WDFY3: variants seen among roughly 807,000 people sequenced by gnomAD.
WDFY3 encodes the protein WD repeat and FYVE domain containing 3, also known as WD repeat and FYVE domain-containing protein 3.
Under a neutral mutation model 409.6 loss-of-function variants are expected in WDFY3, and 66 were observed. The ratio of observed to expected loss-of-function variants is 0.16; its 90% CI spans 0.13 to 0.20. The LOEUF (loss-of-function observed/expected upper bound fraction) is 0.20. WDFY3 is among the 10% of genes least tolerant of loss of function. WDFY3 has a pLI of 1.00. For synonymous variants in WDFY3, 1,521 were observed against 1,537.1 expected, an observed-to-expected ratio of 0.99 and a Z score of 0.25; for missense variants, 3,031 against 4,298.1, an observed-to-expected ratio of 0.71 and a Z score of 8.24.
At chr4:84,777,376 AAAT>A (rs1339356627) in intron 27 of WDFY3, among the ~76,000 whole-genome samples, 2 of 152,138 alleles carry the variant, frequency 1.3e-5, no homozygotes, top group Non-Finnish European at 2.9e-5. Context: ...TCCTTACATA[AAAT>A]AATGAAAACA....
chr4:84,841,612 C>G (rs1757362862), intron 5 of WDFY3, among the ~76,000 whole-genome samples: 1 of 152,014 alleles, frequency 6.6e-6, no homozygotes, highest in African/African-American at 2.4e-5. Context: ...AAGAGCACAG[C>G]AATAAAACAA....
intron 1 of WDFY3, among the ~76,000 whole-genome samples, chr4:84,940,078 C>A (rs1398468238): frequency 6.6e-6 from 1 of 152,030 alleles, no homozygotes; most frequent in African/African-American, 2.4e-5. Context: ...CTTCTCCCAC[C>A]CCATATTTGT....
intron 3 of WDFY3, among the ~76,000 whole-genome samples, chr4:84,896,406 C>T (rs1170364661): frequency 6.6e-6 from 1 of 151,732 alleles, no homozygotes; most frequent in Admixed American, 6.6e-5. Flanking sequence ...AAGCAGAGAC[C>T]CTCAATTTCA....
chr4:84,885,338 G>A (rs1245132833), intron 3 of WDFY3, among the ~76,000 whole-genome samples: 5 of 71,530 alleles, frequency 7.0e-5, no homozygotes, highest in African/African-American at 2.2e-4. Flanking sequence ...ATATGTGTGT[G>A]TGTGTGTGTG....
chr4:84,698,921 C>CA (rs1730604240), intron 56 of WDFY3, among the ~76,000 whole-genome samples: 1 of 152,200 alleles, frequency 6.6e-6, no homozygotes, highest in African/African-American at 2.4e-5. Flanking sequence ...TTCTTGGCCT[C>CA]AAGCAATCTG....
intron 5 of WDFY3, among the ~76,000 whole-genome samples, chr4:84,848,625 AG>A (rs1385236452): frequency 2.4e-4 from 36 of 152,226 alleles, no homozygotes; most frequent in Non-Finnish European, 4.4e-5. Flanking sequence ...ATATCTAACA[AG>A]TATTCAATGG....
At chr4:84,871,900 C>T (rs143774799) in intron 3 of WDFY3, among the ~76,000 whole-genome samples, 2 of 152,256 alleles carry the variant, frequency 1.3e-5, no homozygotes, top group South Asian at 2.1e-4. Flanking sequence ...TCCCAAAGTG[C>T]GAGGATTACA....
intron 3 of WDFY3, among the ~76,000 whole-genome samples, chr4:84,887,242 A>G (rs1224300856): frequency 6.6e-6 from 1 of 152,198 alleles, no homozygotes; most frequent in Non-Finnish European, 1.5e-5. Flanking sequence ...TACATCAGGG[A>G]AACCTAATCT....
intron 3 of WDFY3, among the ~76,000 whole-genome samples, chr4:84,871,880 C>T (rs1762177177): frequency 6.6e-6 from 1 of 152,176 alleles, no homozygotes; most frequent in Non-Finnish European, 1.5e-5. Flanking sequence ...GTGATCTGCT[C>T]ACCTCAGCCT....
intron 2 of WDFY3, among the ~76,000 whole-genome samples, chr4:84,930,172 T>C (rs942924211): frequency 6.6e-6 from 1 of 152,168 alleles, no homozygotes; most frequent in Non-Finnish European, 1.5e-5. Flanking sequence ...TATGTGGCAA[T>C]AGATAACACA....
At chr4:84,964,864 G>C (rs1442516622) in intron 1 of WDFY3, among the ~76,000 whole-genome samples, 1 of 152,128 alleles carries the variant, frequency 6.6e-6, no homozygotes, top group African/African-American at 2.4e-5. Context: ...TTAACTCATG[G>C]AAAGAAACTA....
chr4:84,920,385 A>G (rs1769116834), intron 2 of WDFY3, among the ~76,000 whole-genome samples: 1 of 152,234 alleles, frequency 6.6e-6, no homozygotes, highest in South Asian at 2.1e-4. Context: ...AACATTTAGG[A>G]CTAAAGGGCC....
intron 27 of WDFY3, among the ~76,000 whole-genome samples, chr4:84,777,007 A>C (rs1476927674): frequency 6.6e-6 from 1 of 152,104 alleles, no homozygotes; most frequent in African/African-American, 2.4e-5. Context: ...GAAAAGGCAG[A>C]CTACGAAATG....
chr4:84,717,222 AT>A (rs1734087561), intron 48 of WDFY3, among the ~76,000 whole-genome samples: 1 of 152,160 alleles, frequency 6.6e-6, no homozygotes, highest in Admixed American at 6.5e-5. Flanking sequence ...AATTTTAAAA[AT>A]CCCCTTATTA....
chr4:84,680,202 C>A (rs2148762539), intron 64 of WDFY3, among the ~76,000 whole-genome samples: 1 of 152,218 alleles, frequency 6.6e-6, no homozygotes, highest in South Asian at 2.1e-4. Context: ...TTTGGATATT[C>A]TTTCTACAAG....
chr4:84,877,733 A>G (rs1177877207), intron 3 of WDFY3, among the ~76,000 whole-genome samples: 1 of 152,206 alleles, frequency 6.6e-6, no homozygotes, highest in Non-Finnish European at 1.5e-5. Flanking sequence ...AACACCAGAC[A>G]ATGTAAGATT....
chr4:84,718,694 T>A, intron 47 of WDFY3, 124 bp from the exon 48 acceptor site: 1 of 1,168,638 alleles, frequency 8.6e-7, no homozygotes, highest in Non-Finnish European at 1.2e-6. Context: ...TTGAGAAGAT[T>A]AAGCTTAGAT....
intron 2 of WDFY3, among the ~76,000 whole-genome samples, chr4:84,900,554 T>C (rs1766219199): frequency 6.6e-6 from 1 of 152,226 alleles, no homozygotes; most frequent in Non-Finnish European, 1.5e-5. Flanking sequence ...TGGATTATTC[T>C]CAAAGGCATT....
At chr4:84,783,412 G>A (rs1037786488) in intron 24 of WDFY3, among the ~76,000 whole-genome samples, 4 of 152,276 alleles carry the variant, frequency 2.6e-5, no homozygotes, top group East Asian at 1.9e-4. Context: ...CTAGGAGGTC[G>A]AGAATGCAGT....
Sources: gnomAD v4.1 joint callset for allele counts (sites outside exome capture counted in the v4.1 genomes callset) on GRCh38, gnomAD v4.1.1 for gene constraint, MANE v1.5 for transcripts, NCBI Gene and HGNC (gene_info 2026-07-23, HGNC 2026-07-21) for gene names.